CCNE2: variants seen among roughly 807,000 people sequenced by gnomAD.
CCNE2 encodes cyclin E2.
Under a neutral mutation model 56.8 loss-of-function variants are expected in CCNE2, and 18 were observed. That is an observed-to-expected ratio of 0.32 (90% CI 0.22 to 0.47). CCNE2 has a LOEUF of 0.47. Ranked by LOEUF, CCNE2 falls within the 20% of genes least tolerant of loss-of-function variation. The pLI is 1.00. For synonymous variants in CCNE2, 139 were observed against 149.2 expected, an observed-to-expected ratio of 0.93 and a Z score of 0.50; for missense variants, 371 against 467.1, an observed-to-expected ratio of 0.79 and a Z score of 1.90.
intron 11 of CCNE2, 127 bp from the exon 12 acceptor site, chr8:94,881,872 T>G: frequency 1.7e-6 from 2 of 1,157,322 alleles, no homozygotes; most frequent in Non-Finnish European, 2.4e-6. Context: ...GTGTGAAGGG[T>G]CATATTCTGA....
chr8:94,881,791 A>G (rs1816827323), intron 11 of CCNE2, 46 bp from the exon 12 acceptor site: 1 of 1,608,950 alleles, frequency 6.2e-7, no homozygotes, highest in South Asian at 1.1e-5. Context: ...AATCAAAGTC[A>G]AACCAGACTT....
rs986134323 is a variant in CCNE2, at chr8:94,880,736, CAT to C, written c.*894_*895del. On this transcript the variant is annotated 3_prime_UTR_variant, in exon 12 of 12. Coordinates refer to ENST00000308108, the MANE Select transcript of CCNE2 (RefSeq NM_057749.3). ...GAAAGGACCTTAACAGTTTCACAAA[CAT>C]AAATAAAGCCTTAGTCACACTAAAT... The C allele has an allele frequency of 5.0e-5, 20 of 396,096 alleles. No homozygotes were observed. The highest frequency in any genetic ancestry group is 3.7e-4 in the African/African-American group (18 of 48,358). 24.5% of individuals were successfully genotyped at this position (396,096 alleles called of 1,614,324 possible). A position where few individuals can be genotyped will look rare whatever the true frequency, so the allele number is the denominator to read the frequency against.
upstream of CCNE2, chr8:94,895,315 CGTGCCCGCGCGCCGCGCCCTGCTCTCA>C (rs2131134183): frequency 8.4e-6 from 8 of 949,392 alleles, no homozygotes; most frequent in Admixed American, 6.2e-5. Context: ...CGTCCGCCCG[CGTGCCCGCGCGCCGCGCCCTGCTCTCA>C]GTGCGCGCCC....
At position 94,890,375 on chromosome 8, in the gene CCNE2, T is replaced by C; in HGVS notation, c.453+40A>G. 3 of 1,488,316 alleles carry C rather than the reference T, an allele frequency of 2.0e-6. 1 individual carries two copies. The allele number at this position is 1,488,316 out of a possible 1,614,324, so 92.2% of individuals were successfully genotyped here. ...ACATTTACAGCTAAATATGTTTCCATCATACAGAGACAAAGGAAATTTGTA... is the reference window on the plus strand; with the variant it reads ...ACATTTACAGCTAAATATGTTTCCACCATACAGAGACAAAGGAAATTTGTA... On this transcript the variant is annotated intron_variant, in intron 6 of 11. Coordinates refer to ENST00000308108, the MANE Select transcript of CCNE2 (RefSeq NM_057749.3).
chr8:94,885,596 T>C, intron 7 of CCNE2, 38 bp from the exon 8 acceptor site: 9 of 1,236,174 alleles, frequency 7.3e-6, no homozygotes, highest in Non-Finnish European at 9.4e-6. Context: ...ACAATTGAGA[T>C]AGAAATTAAT....
intron 5 of CCNE2, 41 bp from the exon 6 acceptor site, chr8:94,890,591 A>ATAT (rs1292609440): frequency 6.4e-6 from 2 of 310,826 alleles, no homozygotes; most frequent in Admixed American, 7.2e-5. Context: ...ATATATATAT[A>ATAT]TTTTTTTTTT....
chr8:94,884,341 CTTT>C (rs34604138), intron 9 of CCNE2, among the ~76,000 whole-genome samples: 3 of 145,246 alleles, frequency 2.1e-5, no homozygotes, highest in Non-Finnish European at 3.0e-5. Flanking sequence ...GGGATCTCCT[CTTT>C]TTTTTTTTTT....
chr8:94,880,864 T>C lies in CCNE2; in HGVS notation c.*768A>G. 2.5e-6 allele frequency: 1 copy of C among 398,738 alleles called. No individual in the cohort carries two copies. The highest frequency in any genetic ancestry group is 3.6e-5 in the East Asian group (1 of 28,000). The allele number at this position is 398,738 out of a possible 1,614,324, so 24.7% of individuals were successfully genotyped here. A position where few individuals can be genotyped will look rare whatever the true frequency, so the allele number is the denominator to read the frequency against. ...TAAGTTTTTCACCCAAATTGTGATA[T>C]ACAAAAAGGTTATTACCAAGCAACC... On this transcript the variant is annotated 3_prime_UTR_variant, in exon 12 of 12. Transcript: ENST00000308108.
chr8:94,881,543 G>A lies in CCNE2; in HGVS notation c.*89C>T. 7.4e-7 allele frequency: 1 copy of A among 1,355,624 alleles called. No individual in the cohort carries two copies. The highest frequency in any genetic ancestry group is 1.0e-6 in the Non-Finnish European group (1 of 975,812). 84.0% of individuals were successfully genotyped at this position (1,355,624 alleles called of 1,614,324 possible). ...GAATTGGCTAGGGCAATCAATCACA[G>A]CACTACTTTCTGTAAAACTTTAGTA... On this transcript the variant is annotated 3_prime_UTR_variant, in exon 12 of 12. Coordinates refer to ENST00000308108, the MANE Select transcript of CCNE2 (RefSeq NM_057749.3).
intron 4 of CCNE2, 70 bp downstream of exon 4, chr8:94,893,821 A>G (rs1278025414): frequency 2.1e-6 from 3 of 1,429,122 alleles, no homozygotes; most frequent in Non-Finnish European, 2.9e-6. Flanking sequence ...AGCAATAAAC[A>G]CATAATTCTA....
upstream of CCNE2, chr8:94,895,374 G>T (rs1003494899): frequency 1.0e-5 from 5 of 494,466 alleles, no homozygotes; most frequent in Non-Finnish European, 1.3e-5. Flanking sequence ...CGGCCGTGGG[G>T]TCCACTCTAC....
intron 8 of CCNE2, 21 bp downstream of exon 8, chr8:94,885,441 AG>A: frequency 1.4e-6 from 2 of 1,431,006 alleles, no homozygotes; most frequent in Non-Finnish European, 1.9e-6. Flanking sequence ...TTTTGCAACT[AG>A]GAAAACATAA....
chr8:94,881,879 C>T (rs898548148), intron 11 of CCNE2, 134 bp from the exon 12 acceptor site: 15 of 1,062,490 alleles, frequency 1.4e-5, no homozygotes, highest in Admixed American at 8.3e-5. Context: ...GGGTCATATT[C>T]TGAAAGTTTC....
chr8:94,881,136 A>AAAACT lies in CCNE2; in HGVS notation c.*491_*495dup. The stretch of plus-strand genomic sequence containing the variant: ...ATAGATAAATTAGTCACCTTATTAC[A>AAAACT]AAACTAAACCTTTGTAAACAAGTTT... On this transcript the variant is annotated 3_prime_UTR_variant, in exon 12 of 12. Coordinates refer to ENST00000308108, the MANE Select transcript of CCNE2 (RefSeq NM_057749.3). The AAAACT allele has an allele frequency of 2.5e-6, 1 of 395,696 alleles. No individual in the cohort carries two copies. Among genetic ancestry groups the AAAACT allele is most frequent in the East Asian group, 3.6e-5 (1 of 27,878 alleles). The allele number at this position is 395,696 out of a possible 1,614,324, so 24.5% of individuals were successfully genotyped here. A position where few individuals can be genotyped will look rare whatever the true frequency, so the allele number is the denominator to read the frequency against.
At chr8:94,884,959 A>T in intron 9 of CCNE2, 108 bp downstream of exon 9, 1 of 919,648 alleles carries the variant, frequency 1.1e-6, no homozygotes, top group Non-Finnish European at 1.6e-6. Flanking sequence ...TCTAGAATTA[A>T]GGAGTGAAGT....
Position 94,882,900 on chromosome 8 carries a change from G to A in CCNE2, c.832-8C>T, listed in dbSNP as rs769699526. On this transcript the variant is annotated splice_polypyrimidine_tract_variant and splice_region_variant and intron_variant, in intron 9 of 11. Coordinates refer to ENST00000308108, the MANE Select transcript of CCNE2 (RefSeq NM_057749.3). Reference sequence around the variant, plus strand: ...AATACACAGATCTAAAAGCTAACAGGAAAAACAAAAGTACAAGCAATTTAG... The same window carrying A: ...AATACACAGATCTAAAAGCTAACAGAAAAAACAAAAGTACAAGCAATTTAG... 22 of 1,568,846 alleles carry A rather than the reference G, an allele frequency of 1.4e-5. No homozygotes were observed. Among genetic ancestry groups the A allele is most frequent in the Non-Finnish European group, 1.8e-5 (21 of 1,139,934 alleles).
chr8:94,885,364 AC>A, intron 8 of CCNE2, 98 bp downstream of exon 8: 1 of 1,049,588 alleles, frequency 9.5e-7, no homozygotes. Context: ...CTCAGTTTTG[AC>A]TTTTTACATT....
At chr8:94,895,839 C>T (rs34208552), upstream of CCNE2, 3 of 153,240 alleles carry the variant, frequency 2.0e-5, no homozygotes, top group Non-Finnish European at 4.3e-5. Context: ...GCTCTGCTCT[C>T]CCCAGTCCCG....
At position 94,880,772 on chromosome 8, in the gene CCNE2, A is replaced by T. The variant is rs916219080; in HGVS notation, c.*860T>A. ...CCTTAGTCACACTAAATTAAAAAAA[A>T]AAATTCCTTAGGGATATCTTAGAGT... On this transcript the variant is annotated 3_prime_UTR_variant, in exon 12 of 12. Transcript: ENST00000308108. The T allele has an allele frequency of 2.1e-4, 83 of 398,258 alleles. No individual in the cohort carries two copies. The highest frequency in any genetic ancestry group is 6.3e-4 in the Middle Eastern group (1 of 1,584). The allele number at this position is 398,258 out of a possible 1,614,324, so 24.7% of individuals were successfully genotyped here.
Sources: gnomAD v4.1 joint callset for allele counts (sites outside exome capture counted in the v4.1 genomes callset) on GRCh38, gnomAD v4.1.1 for gene constraint, MANE v1.5 for transcripts, NCBI Gene and HGNC (gene_info 2026-07-23, HGNC 2026-07-21) for gene names.